Variants in CTSB observed in about 807,000 individuals in gnomAD.
CTSB encodes the protein APP secretase.
A neutral mutation model predicts 44.3 loss-of-function variants in CTSB; 57 were observed. That is an observed-to-expected ratio of 1.29 (90% CI 1.04 to 1.60). The LOEUF (loss-of-function observed/expected upper bound fraction) is 1.60. Among genes scored for constraint, CTSB ranks in the 40% most tolerant of loss-of-function variants. The probability of loss-of-function intolerance (pLI) is 0.00; values close to 1 mark genes in which losing one functional copy is unlikely to be tolerated. For synonymous variants in CTSB, 320 were observed against 168.0 expected, an observed-to-expected ratio of 1.91 and a Z score of -7.00; for missense variants, 768 against 443.0, an observed-to-expected ratio of 1.73 and a Z score of -6.59.
intron 8 of CTSB, among the ~76,000 whole-genome samples, chr8:11,846,543 G>T (rs149743383): frequency 6.6e-6 from 1 of 152,194 alleles, no homozygotes; most frequent in Non-Finnish European, 1.5e-5. Context: ...TTCCTTGGTT[G>T]GAGTCCCTAT....
Position 11,847,871 on chromosome 8 carries a change from A to AAGCCACAGCTGGGCGAGGC in CTSB, c.533-50_533-49insGCCTCGCCCAGCTGTGGCT, listed in dbSNP as rs3215434. 1.1e-5 allele frequency: 17 copies of AAGCCACAGCTGGGCGAGGC among 1,555,120 alleles called. No individual in the cohort carries two copies. In the Middle Eastern group the frequency reaches 1.0e-3, roughly 96 times the overall value. On this transcript the variant is annotated intron_variant, in intron 6 of 9. Transcript: ENST00000353047. ...GAGTCAACCTACAGCCCCCACGGAG[A>AAGCCACAGCTGGGCGAGGC]AGACCTGGGGCAAGGCAAGCCTCGT...
At chr8:11,866,862 T>C (rs1467325280) in intron 1 of CTSB, among the ~76,000 whole-genome samples, 2 of 152,158 alleles carry the variant, frequency 1.3e-5, no homozygotes, top group East Asian at 1.9e-4. Context: ...AACGCCCTCT[T>C]AGGCCTCTTC....
chr8:11,848,433 T>G lies in CTSB; in HGVS notation c.447-281A>C, dbSNP rs923609128. 9.2e-6 allele frequency: 5 copies of G among 544,310 alleles called. No homozygotes were observed. The African/African-American group carries it at 9.4e-5, about 10-fold the overall frequency. 33.7% of individuals were successfully genotyped at this position (544,310 alleles called of 1,614,324 possible). ...ATACCAGACCAGGCTACGAGTGCCC[T>G]TCCGGGTAGAACACTGATTCTCAAC... On this transcript the variant is annotated intron_variant, in intron 5 of 9. Coordinates refer to ENST00000353047, the MANE Select transcript of CTSB (RefSeq NM_001908.5).
chr8:11,856,788 G>A (rs983770330), intron 1 of CTSB, among the ~76,000 whole-genome samples: 35 of 151,860 alleles, frequency 2.3e-4, no homozygotes, highest in South Asian at 6.2e-4. Flanking sequence ...AAAATGCCAA[G>A]GAAGATGCAC....
chr8:11,852,618 T>A lies in CTSB; in HGVS notation c.204A>T (p.Pro68=). 3 of 1,613,060 alleles carry A rather than the reference T, an allele frequency of 1.9e-6. No individual in the cohort carries two copies. Among genetic ancestry groups the A allele is most frequent in the Non-Finnish European group, 2.5e-6 (3 of 1,179,598 alleles). ...LCGTFLGGPK[P]PQRVMFTEDL... is the part of the protein sequence containing the mutation. ...GAGGAGCAGGCACTCACCTCTGGGGTGGCTTGGGCCCACCCAGGAAGGTAC... is the reference window on the plus strand; with the variant it reads ...GAGGAGCAGGCACTCACCTCTGGGGAGGCTTGGGCCCACCCAGGAAGGTAC... Residue 68 remains proline, a synonymous_variant, in exon 3 of 10, where the codon CCA becomes CCT. Transcript: ENST00000353047.
rs1812693286 is a variant in CTSB at position 11,843,770 on chromosome 8, C to A, written c.*1355G>T. 1 of 152,252 alleles carries A rather than the reference C, an allele frequency of 6.6e-6. No homozygotes were observed. Among genetic ancestry groups the A allele is most frequent in the African/African-American group, 2.4e-5 (1 of 41,448 alleles). The allele number at this position is 152,252 out of a possible 1,614,324, so 9.4% of individuals were successfully genotyped here. ...TACAGGCAGGGCCCAGTGGCTCACG[C>A]CTGTAATCCCAACACTTTGGGAGGC... is the stretch of plus-strand genomic sequence containing the variant. On this transcript the variant is annotated 3_prime_UTR_variant, in exon 10 of 10. Coordinates refer to ENST00000353047, the MANE Select transcript of CTSB (RefSeq NM_001908.5).
intron 1 of CTSB, among the ~76,000 whole-genome samples, chr8:11,863,583 T>G (rs911587154): frequency 6.6e-6 from 1 of 152,196 alleles, no homozygotes; most frequent in African/African-American, 2.4e-5. Flanking sequence ...AGTAAAAACA[T>G]CAGACCTTGG....
Position 11,848,462 on chromosome 8 carries a change from G to A in CTSB, c.447-310C>T, listed in dbSNP as rs1467209128. ...GGGTAGAACACTGATTCTCAACTGA[G>A]CAGACGCTAAACTTCCCTAAGGTAC... On this transcript the variant is annotated intron_variant, in intron 5 of 9. Coordinates refer to ENST00000353047, the MANE Select transcript of CTSB (RefSeq NM_001908.5). The A allele has an allele frequency of 6.4e-6, 3 of 470,096 alleles. No individual in the cohort carries two copies. The East Asian group carries it at 1.3e-4, about 20-fold the overall frequency. 29.1% of individuals were successfully genotyped at this position (470,096 alleles called of 1,614,324 possible). A position where few individuals can be genotyped will look rare whatever the true frequency, so the allele number is the denominator to read the frequency against.
intron 1 of CTSB, 146 bp downstream of exon 1, chr8:11,867,854 TC>T (rs1447278412): frequency 2.1e-5 from 3 of 140,326 alleles, no homozygotes; most frequent in Non-Finnish European, 4.7e-5. Context: ...GTCCCGAGGG[TC>T]CCGGCTCCCC....
At chr8:11,853,236 G>T in intron 2 of CTSB, 93 bp downstream of exon 2, 1 of 1,525,414 alleles carries the variant, frequency 6.6e-7, no homozygotes, top group East Asian at 2.3e-5. Context: ...ATGTTCTGTG[G>T]GCCACAGTGA....
chr8:11,845,506 G>C (rs540236808), intron 9 of CTSB, among the ~76,000 whole-genome samples, 155 bp downstream of exon 9: 1 of 152,206 alleles, frequency 6.6e-6, no homozygotes, highest in Non-Finnish European at 1.5e-5. Context: ...CAGCAAAAGG[G>C]AACTCCTGAC....
intron 6 of CTSB, 108 bp from the exon 7 acceptor site, chr8:11,847,930 G>T: frequency 7.1e-7 from 1 of 1,412,168 alleles, no homozygotes; most frequent in Non-Finnish European, 9.7e-7. Flanking sequence ...GGTCCTGCCA[G>T]AGGCCTGTGC....
intron 1 of CTSB, among the ~76,000 whole-genome samples, chr8:11,857,509 C>G (rs1815700053): frequency 6.6e-6 from 1 of 152,086 alleles, no homozygotes; most frequent in Admixed American, 6.6e-5. Context: ...AATAATAAGC[C>G]AAGTCGAGGA....
rs147591291 is a variant in CTSB at position 11,859,474 on chromosome 8, T to G, written c.-25-5995A>C. On this transcript the variant is annotated intron_variant, in intron 1 of 9. Transcript: ENST00000353047. Reference sequence around the variant, plus strand: ...TGCCACCAAGCTCAATAAAGAAGGCTTTCTGGCCAGGCACAGTGGCTCATG... The same window carrying G: ...TGCCACCAAGCTCAATAAAGAAGGCGTTCTGGCCAGGCACAGTGGCTCATG... 7.8e-4 allele frequency among the ~76,000 whole-genome samples: 119 copies of G among 152,236 alleles called. 1 individual carries two copies. The highest frequency in any genetic ancestry group is 2.8e-3 in the African/African-American group (116 of 41,544).
rs1174129611 is a variant in CTSB, at chr8:11,847,181, C to T, written c.677-13G>A. 2 of 1,571,406 alleles carry T rather than the reference C, an allele frequency of 1.3e-6. No homozygotes were observed. The highest frequency in any genetic ancestry group is 4.5e-5 in the East Asian group (2 of 44,510). On this transcript the variant is annotated splice_polypyrimidine_tract_variant and intron_variant, in intron 7 of 9. Coordinates refer to ENST00000353047, the MANE Select transcript of CTSB (RefSeq NM_001908.5). ...TAGGAATTGTATCCTGGAAAATGAA[C>T]CGAGCTCGGGGTTGGGGAGGGCAGT...
At position 11,853,442 on chromosome 8, in the gene CTSB, A is replaced by G; in HGVS notation, c.13T>C (p.Trp5Arg). 1 of 1,611,940 alleles carries G rather than the reference A, an allele frequency of 6.2e-7. No homozygotes were observed. Reference sequence around the variant, plus strand: ...ACCAGCAGGCAGCAGAGGGAGGCCCAGAGCTGCCACATGTTGGAAGCCGGA... The same window carrying G: ...ACCAGCAGGCAGCAGAGGGAGGCCCGGAGCTGCCACATGTTGGAAGCCGGA... Reference protein sequence around the residue: MWQLWASLCCLLVLA... With the variant: MWQLRASLCCLLVLA... The change falls in exon 2 of 10, where the codon TGG (tryptophan) becomes CGG (arginine). Residue 5 changes from tryptophan (W) to arginine (R), a missense_variant. Coordinates refer to ENST00000353047, the MANE Select transcript of CTSB (RefSeq NM_001908.5).
intron 1 of CTSB, among the ~76,000 whole-genome samples, chr8:11,862,718 G>C (rs1293303): frequency 0.39 from 58,987 of 152,134 alleles, 11,787 homozygotes; most frequent in East Asian, 0.45. Context: ...GCGCAAGCCA[G>C]GAAGCTGTGT....
In CTSB at chr8:11,853,581, C is replaced by T. The variant is rs1384754652; in HGVS notation, c.-25-102G>A. On this transcript the variant is annotated intron_variant, in intron 1 of 9. Transcript: ENST00000353047. Reference sequence around the variant, plus strand: ...GGGCATCAGTGGGGACCCCCATGCTCGTCCTGGCCCAGGCGGAGAACTCTT... The same window carrying T: ...GGGCATCAGTGGGGACCCCCATGCTTGTCCTGGCCCAGGCGGAGAACTCTT... 2.2e-5 allele frequency: 26 copies of T among 1,188,266 alleles called. No individual in the cohort carries two copies. In the South Asian group the frequency reaches 3.1e-4, roughly 14 times the overall value. The allele number at this position is 1,188,266 out of a possible 1,614,324, so 73.6% of individuals were successfully genotyped here.
intron 1 of CTSB, among the ~76,000 whole-genome samples, chr8:11,859,932 G>C (rs1442310248): frequency 6.6e-6 from 1 of 151,734 alleles, no homozygotes. Context: ...ACTCAGCCGG[G>C]CATGGTGGTG....
Sources: allele counts gnomAD v4.1 joint callset (sites outside exome capture counted in the v4.1 genomes callset), GRCh38; gene constraint gnomAD v4.1.1; transcripts MANE v1.5; gene names NCBI Gene and HGNC (gene_info 2026-07-23, HGNC 2026-07-21).